The following DCP1B variants were observed in gnomAD, a reference collection of about 807,000 sequenced individuals.
DCP1B encodes mRNA-decapping enzyme 1B.
DCP1B carries 47 observed loss-of-function variants against 60.5 expected under a neutral mutation model. The ratio of observed to expected loss-of-function variants is 0.78; its 90% confidence interval spans 0.61 to 0.99. The LOEUF is 0.99. Ranked by LOEUF, DCP1B falls within the 50% of genes least tolerant of loss-of-function variation. The probability of loss-of-function intolerance (pLI) is 0.00; values close to 1 mark genes in which losing one functional copy is unlikely to be tolerated. For synonymous variants in DCP1B, 267 were observed against 280.3 expected, an observed-to-expected ratio of 0.95 and a Z score of 0.47; for missense variants, 725 against 756.8, an observed-to-expected ratio of 0.96 and a Z score of 0.49.
At chr12:1,993,609 G>C (rs2040036507) in intron 2 of DCP1B, among the ~76,000 whole-genome samples, 1 of 141,644 alleles carries the variant, frequency 7.1e-6, no homozygotes, top group Admixed American at 7.1e-5. Flanking sequence ...TGGTAAAATT[G>C]AGTCATACTT....
chr12:1,960,452 A>C, intron 5 of DCP1B, among the ~76,000 whole-genome samples: 1 of 148,646 alleles, frequency 6.7e-6, no homozygotes, highest in South Asian at 2.1e-4. Context: ...GAATAAGTTC[A>C]GGAGATTTAT....
chr12:1,985,623 A>G (rs2037472722), intron 3 of DCP1B, among the ~76,000 whole-genome samples: 1 of 152,004 alleles, frequency 6.6e-6, no homozygotes, highest in Admixed American at 6.6e-5. Context: ...AGTTTGGCAT[A>G]TTTTCCTGGC....
intron 3 of DCP1B, among the ~76,000 whole-genome samples, chr12:1,983,641 G>A (rs993480729): frequency 1.3e-5 from 2 of 151,896 alleles, no homozygotes; most frequent in Non-Finnish European, 2.9e-5. Context: ...TATGACCTAC[G>A]ATAAGGTTTA....
At chr12:1,975,463 T>C (rs951616309) in intron 3 of DCP1B, among the ~76,000 whole-genome samples, 2 of 152,158 alleles carry the variant, frequency 1.3e-5, no homozygotes, top group African/African-American at 4.8e-5. Flanking sequence ...ATACACATTA[T>C]ATAGCCATAA....
intron 3 of DCP1B, among the ~76,000 whole-genome samples, chr12:1,988,478 T>A (rs764478485): frequency 6.6e-6 from 1 of 152,336 alleles, no homozygotes; most frequent in South Asian, 2.1e-4. Context: ...CAATGCGTGG[T>A]ATAGCCAACA....
At chr12:2,002,578 C>T (rs1329179107) in intron 1 of DCP1B, among the ~76,000 whole-genome samples, 1 of 152,164 alleles carries the variant, frequency 6.6e-6, no homozygotes, top group African/African-American at 2.4e-5. Flanking sequence ...GTATCTATCA[C>T]ATTGATAAGG....
chr12:1,986,965 C>CA (rs917596065), intron 3 of DCP1B, among the ~76,000 whole-genome samples: 1 of 152,032 alleles, frequency 6.6e-6, no homozygotes, highest in Non-Finnish European at 1.5e-5. Flanking sequence ...TGAAACATCC[C>CA]AAGTAACACA....
At chr12:1,984,355 T>C (rs185432774) in intron 3 of DCP1B, among the ~76,000 whole-genome samples, 43 of 152,238 alleles carry the variant, frequency 2.8e-4, no homozygotes, top group African/African-American at 7.2e-4. Flanking sequence ...TTTTTAGTAT[T>C]CTATTTTATC....
intron 7 of DCP1B, 99 bp from the exon 8 acceptor site, chr12:1,949,433 C>G (rs942171801): frequency 2.7e-5 from 41 of 1,516,294 alleles, no homozygotes; most frequent in Non-Finnish European, 3.7e-5. Context: ...ATTCCCTGTC[C>G]ACAGCTTTCC....
chr12:1,965,143 C>T (rs1565767979), intron 5 of DCP1B, among the ~76,000 whole-genome samples: 2 of 152,030 alleles, frequency 1.3e-5, no homozygotes, highest in Non-Finnish European at 2.9e-5. Flanking sequence ...TTGTTTGAGT[C>T]TATTTTTATG....
At chr12:1,993,155 C>G in intron 3 of DCP1B, 109 bp downstream of exon 3, 1 of 1,417,450 alleles carries the variant, frequency 7.1e-7, no homozygotes, top group Non-Finnish European at 1.0e-6. Flanking sequence ...GCTGACACCC[C>G]CCATAGCCAC....
In DCP1B at chr12:1,953,236, T is replaced by C; in HGVS notation, c.704A>G (p.Gln235Arg). The C allele has an allele frequency of 6.2e-7, 1 of 1,605,070 alleles. No homozygotes were observed. Among genetic ancestry groups the C allele is most frequent in the African/African-American group, 1.3e-5 (1 of 75,022 alleles). Residue 235 changes from glutamine to arginine, a missense_variant, in exon 7 of 9, where the codon CAG becomes CGG. By Grantham distance (43) the Gln-to-Arg change is conservative. Transcript: ENST00000280665. ...HLSLTALFGK[Q>R]DKATCQETVE... Reference sequence around the variant, plus strand: ...AGTTTCCTGACATGTAGCTTTGTCCTGCTTCCCAAACAGAGCTGTCAAGGA... The same window carrying C: ...AGTTTCCTGACATGTAGCTTTGTCCCGCTTCCCAAACAGAGCTGTCAAGGA...
intron 3 of DCP1B, among the ~76,000 whole-genome samples, chr12:1,987,111 CT>C (rs1375131286): frequency 1.3e-5 from 2 of 152,152 alleles, no homozygotes; most frequent in Non-Finnish European, 2.9e-5. Flanking sequence ...AAAAAAAGAA[CT>C]TACAGGAACT....
At chr12:1,989,856 G>A (rs1297102489) in intron 3 of DCP1B, among the ~76,000 whole-genome samples, 1 of 152,168 alleles carries the variant, frequency 6.6e-6, no homozygotes, top group Non-Finnish European at 1.5e-5. Context: ...TACTATATGG[G>A]AATATTACAA....
chr12:1,954,887 T>G (rs758167274), intron 6 of DCP1B, among the ~76,000 whole-genome samples: 28 of 152,314 alleles, frequency 1.8e-4, no homozygotes, highest in Non-Finnish European at 3.2e-4. Flanking sequence ...TTCTGAGACA[T>G]GGTCTTGCTT....
intron 3 of DCP1B, among the ~76,000 whole-genome samples, chr12:1,976,096 GGATA>G (rs112075121): frequency 0.027 from 4,123 of 152,188 alleles, 87 homozygotes; most frequent in Middle Eastern, 0.048. Flanking sequence ...TTCTTTAGAT[GGATA>G]GTTTTCTTTA....
intron 2 of DCP1B, 113 bp from the exon 3 acceptor site, chr12:1,993,504 T>C: frequency 1.5e-6 from 2 of 1,334,892 alleles, no homozygotes; most frequent in Non-Finnish European, 2.0e-6. Context: ...TATATGCAGC[T>C]TTATATAAGC....
chr12:1,975,788 G>T (rs901150903), intron 3 of DCP1B, among the ~76,000 whole-genome samples: 1 of 152,138 alleles, frequency 6.6e-6, no homozygotes, highest in Non-Finnish European at 1.5e-5. Context: ...TGCCACATGG[G>T]TTTTTCCTCA....
Position 1,949,236 on chromosome 12 carries a change from C to T in DCP1B, c.1623G>A (p.Arg541=), listed in dbSNP as rs1395691710. Reference sequence around the variant, plus strand: ...CTCCCACAGGCAAGAGGCCGCTCTCCCTTTCCTTTGGCGGGACGGAGGTGG... The same window carrying T: ...CTCCCACAGGCAAGAGGCCGCTCTCTCTTTCCTTTGGCGGGACGGAGGTGG... ...AQPTSVPPKE[R]ESGLLPVGGQ... Residue 541 remains arginine (R), a synonymous_variant, in exon 8 of 9, where the codon AGG becomes AGA. Transcript: ENST00000280665. 6.2e-7 allele frequency: 1 copy of T among 1,614,158 alleles called. No homozygotes were observed. Among genetic ancestry groups the T allele is most frequent in the East Asian group, 2.2e-5 (1 of 44,882 alleles).
Sources: gnomAD v4.1 joint callset for allele counts (sites outside exome capture counted in the v4.1 genomes callset) on GRCh38, gnomAD v4.1.1 for gene constraint, MANE v1.5 for transcripts, NCBI Gene and HGNC (gene_info 2026-07-23, HGNC 2026-07-21) for gene names.